Variants in CHN2 observed in about 807,000 individuals in gnomAD.
CHN2 encodes the protein beta-chimaerin.
A neutral mutation model predicts 56.3 loss-of-function variants in CHN2; 35 were observed. The observed-to-expected ratio is 0.62, with a 90% confidence interval of 0.47 to 0.82. CHN2 has a LOEUF of 0.82. Ranked by LOEUF, CHN2 falls within the 40% of genes least tolerant of loss-of-function variation. CHN2 has a pLI of 0.00. For synonymous variants in CHN2, 210 were observed against 212.8 expected, an observed-to-expected ratio of 0.99 and a Z score of 0.12; for missense variants, 491 against 580.5, an observed-to-expected ratio of 0.85 and a Z score of 1.58.
At chr7:29,442,562 A>G (rs1393026508) in intron 6 of CHN2, among the ~76,000 whole-genome samples, 2 of 152,080 alleles carry the variant, frequency 1.3e-5, no homozygotes, top group African/African-American at 4.8e-5. Flanking sequence ...GAACCATCCC[A>G]CTCTGAGAGT....
intron 1 of CHN2, among the ~76,000 whole-genome samples, chr7:29,248,344 T>C (rs1208724882): frequency 6.6e-6 from 1 of 152,220 alleles, no homozygotes; most frequent in Non-Finnish European, 1.5e-5. Context: ...CCTGCTCCCT[T>C]GCCAACCTGC....
chr7:29,180,139 T>A (rs1797876841), intron 2 of CHN2, among the ~76,000 whole-genome samples: 1 of 152,212 alleles, frequency 6.6e-6, no homozygotes, highest in Non-Finnish European at 1.5e-5. Flanking sequence ...CCCCAATAGT[T>A]TTTTTATTAG....
chr7:29,445,862 C>T (rs1375899039), intron 6 of CHN2, among the ~76,000 whole-genome samples: 1 of 151,902 alleles, frequency 6.6e-6, no homozygotes, highest in Admixed American at 6.6e-5. Flanking sequence ...CATGGTAGTA[C>T]CAAAGGCAAA....
At chr7:29,297,784 C>G (rs994361324) in intron 1 of CHN2, among the ~76,000 whole-genome samples, 1 of 151,742 alleles carries the variant, frequency 6.6e-6, no homozygotes, top group Non-Finnish European at 1.5e-5. Context: ...AGGATGCACC[C>G]GAGGGGAATG....
intron 7 of CHN2, among the ~76,000 whole-genome samples, chr7:29,491,838 C>T (rs1435605541): frequency 6.6e-6 from 1 of 152,152 alleles, no homozygotes; most frequent in Non-Finnish European, 1.5e-5. Flanking sequence ...ATTAAGAGAA[C>T]TTTAGACTTC....
intron 1 of CHN2, among the ~76,000 whole-genome samples, chr7:29,298,747 G>A (rs1360091077): frequency 2.0e-5 from 3 of 152,142 alleles, no homozygotes; most frequent in Admixed American, 2.0e-4. Context: ...TGGTTTACAA[G>A]AACAAGCAGG....
intron 6 of CHN2, among the ~76,000 whole-genome samples, chr7:29,409,087 C>T (rs970233664): frequency 6.6e-6 from 1 of 152,208 alleles, no homozygotes; most frequent in African/African-American, 2.4e-5. Context: ...TAGCACAGAT[C>T]AGGCTACACA....
At chr7:29,368,302 T>G (rs146421309) in intron 3 of CHN2, among the ~76,000 whole-genome samples, 6 of 152,304 alleles carry the variant, frequency 3.9e-5, no homozygotes, top group East Asian at 1.9e-4. Context: ...CTTTTAGCAT[T>G]TTTTATTATG....
intron 1 of CHN2, among the ~76,000 whole-genome samples, chr7:29,295,324 C>G (rs2128872789): frequency 6.6e-6 from 1 of 151,686 alleles, no homozygotes; most frequent in Non-Finnish European, 1.5e-5. Context: ...AACACACACA[C>G]ACACACACAC....
At chr7:29,301,580 C>T (rs1793667487) in intron 1 of CHN2, among the ~76,000 whole-genome samples, 1 of 152,124 alleles carries the variant, frequency 6.6e-6, no homozygotes, top group African/African-American at 2.4e-5. Flanking sequence ...ATCTGGACTC[C>T]AGGCACTTGG....
At position 29,220,280 on chromosome 7, in the gene CHN2, A is replaced by AGAGAGAGAGAGAG. The variant is rs1554366786; in HGVS notation, c.49+25290_49+25291insGAGAGAGAGAGAG. 2.1e-4 allele frequency among the ~76,000 whole-genome samples: 29 copies of AGAGAGAGAGAGAG among 138,164 alleles called. No homozygotes were observed. The East Asian group carries it at 5.4e-3, about 26-fold the overall frequency. 90.6% of individuals were successfully genotyped at this position (138,164 alleles called of 152,430 possible). A position where few individuals can be genotyped will look rare whatever the true frequency, so the allele number is the denominator to read the frequency against. On this transcript the variant is annotated intron_variant, in intron 1 of 12. Transcript: ENST00000222792. The stretch of plus-strand genomic sequence containing the variant: ...GGGAGACCCTGTCTTAAAAAAAAAA[A>AGAGAGAGAGAGAG]AGAGAGAGAGAGAGAGAGAGAAAGC...
Position 29,496,028 on chromosome 7 carries a change from G to A in CHN2, c.731G>A (p.Arg244Gln), listed in dbSNP as rs377591268. The change falls in exon 8 of 13, where the codon CGG becomes CAG. Residue 244 changes from arginine (R) to glutamine (Q), a missense_variant. Arg to Gln is a conservative substitution (Grantham distance 43). Transcript: ENST00000222792. ...TGGGGGCTCATCGCCCAAGGGGTCC[G>A]GTGCTCAGGTAGACACAGAACTTTC... Reference protein sequence around the residue: ...FMWGLIAQGVRCSDCGLNVHK... With the variant: ...FMWGLIAQGVQCSDCGLNVHK... 1.1e-5 allele frequency: 17 copies of A among 1,611,310 alleles called. No individual in the cohort carries two copies. Among genetic ancestry groups the A allele is most frequent in the African/African-American group, 4.0e-5 (3 of 74,630 alleles).
At chr7:29,189,666 A>G (rs536911450) in intron 2 of CHN2, among the ~76,000 whole-genome samples, 2 of 146,226 alleles carry the variant, frequency 1.4e-5, no homozygotes, top group African/African-American at 5.1e-5. Context: ...AGAAAGAAAA[A>G]CTCTCTCTCT....
chr7:29,218,966 T>TA (rs1018074014), intron 1 of CHN2, among the ~76,000 whole-genome samples: 5 of 142,882 alleles, frequency 3.5e-5, no homozygotes, highest in Admixed American at 7.2e-5. Context: ...TAATATAATT[T>TA]AAAAAAAAAT....
At chr7:29,473,471 T>TGTGTG (rs1491098162) in intron 6 of CHN2, among the ~76,000 whole-genome samples, 2 of 54,694 alleles carry the variant, frequency 3.7e-5, no homozygotes, top group African/African-American at 8.5e-5. Context: ...TGTGTTTGTG[T>TGTGTG]TTTTTTTTTT....
At chr7:29,253,101 A>G (rs1297952806) in intron 1 of CHN2, among the ~76,000 whole-genome samples, 1 of 152,186 alleles carries the variant, frequency 6.6e-6, no homozygotes, top group South Asian at 2.1e-4. Flanking sequence ...GTCCCTGTCC[A>G]ACAGCAACTC....
intron 1 of CHN2, among the ~76,000 whole-genome samples, chr7:29,314,699 G>A (rs1794835785): frequency 6.6e-6 from 1 of 152,170 alleles, no homozygotes; most frequent in African/African-American, 2.4e-5. Flanking sequence ...CATTCAAGAT[G>A]ACCATTTAAG....
At chr7:29,386,437 T>A (rs753779799) in intron 3 of CHN2, among the ~76,000 whole-genome samples, 1 of 152,192 alleles carries the variant, frequency 6.6e-6, no homozygotes, top group Non-Finnish European at 1.5e-5. Flanking sequence ...AAATTATTTC[T>A]ATTAAGTAAA....
At chr7:29,430,247 T>C (rs954954847) in intron 6 of CHN2, among the ~76,000 whole-genome samples, 3 of 152,186 alleles carry the variant, frequency 2.0e-5, no homozygotes, top group Admixed American at 2.0e-4. Context: ...CCCAGGCTCT[T>C]TTCATTGCCC....
Sources: gnomAD v4.1 joint callset for allele counts (sites outside exome capture counted in the v4.1 genomes callset) on GRCh38, gnomAD v4.1.1 for gene constraint, MANE v1.5 for transcripts, NCBI Gene and HGNC (gene_info 2026-07-23, HGNC 2026-07-21) for gene names.